FSD1L: variants seen among roughly 807,000 people sequenced by gnomAD.
The protein encoded by FSD1L is fibronectin type III and SPRY domain containing 1 like.
In FSD1L, 45 loss-of-function variants were observed where a neutral mutation model predicts 71.6. The ratio of observed to expected loss-of-function variants is 0.63; its 90% confidence interval spans 0.49 to 0.81. The LOEUF (loss-of-function observed/expected upper bound fraction) is 0.81, where lower values mean the gene tolerates loss of function less well. Among genes scored for constraint, FSD1L ranks in the 30% least tolerant of loss-of-function variants. The pLI is 0.00. For synonymous variants in FSD1L, 197 were observed against 207.2 expected (o/e 0.95, Z 0.42); for missense variants, 561 against 618.1 (o/e 0.91, Z 0.98).
At chr9:105,540,888 A>G (rs1024498742) in intron 13 of FSD1L, among the ~76,000 whole-genome samples, 7 of 152,164 alleles carry the variant, frequency 4.6e-5, no homozygotes, top group African/African-American at 1.7e-4. Context: ...AACCTTCTGC[A>G]TCTTTTCATA....
At chr9:105,534,025 G>A (rs867964089) in intron 10 of FSD1L, among the ~76,000 whole-genome samples, 17 of 152,092 alleles carry the variant, frequency 1.1e-4, no homozygotes, top group Admixed American at 6.6e-4. Flanking sequence ...GTGCCTGGCC[G>A]CCATTTCTAT....
intron 1 of FSD1L, among the ~76,000 whole-genome samples, chr9:105,461,049 A>G (rs1324342627): frequency 2.0e-5 from 3 of 152,188 alleles, no homozygotes; most frequent in Non-Finnish European, 4.4e-5. Context: ...ACATATAGCT[A>G]TTATAATTCA....
chr9:105,524,295 C>T, intron 10 of FSD1L: 1 of 1,612,994 alleles, frequency 6.2e-7, no homozygotes, highest in Non-Finnish European at 8.5e-7. Context: ...TCATTATGTA[C>T]CTAGACTTCA....
intron 3 of FSD1L, 21 bp from the exon 4 acceptor site, chr9:105,468,172 T>C: frequency 7.4e-7 from 1 of 1,357,182 alleles, no homozygotes; most frequent in African/African-American, 1.5e-5. Context: ...GTAAAATTGT[T>C]TTGTTTTGTT....
intron 1 of FSD1L, among the ~76,000 whole-genome samples, chr9:105,457,789 T>C (rs1301715758): frequency 6.6e-6 from 1 of 152,114 alleles, no homozygotes; most frequent in African/African-American, 2.4e-5. Context: ...GCGAGTGAGT[T>C]TGGGGTCCGG....
the FSD1L span, among the ~76,000 whole-genome samples, chr9:105,442,702 A>T: frequency 1.3e-5 from 2 of 151,986 alleles, no homozygotes; most frequent in African/African-American, 4.8e-5. Flanking sequence ...AAAAAAAAAA[A>T]AAGTTATTTC....
At chr9:105,484,824 T>A (rs541587853) in intron 7 of FSD1L, among the ~76,000 whole-genome samples, 1 of 152,294 alleles carries the variant, frequency 6.6e-6, no homozygotes, top group East Asian at 1.9e-4. Flanking sequence ...CTATGTAATC[T>A]TGAACAATTT....
intron 5 of FSD1L, among the ~76,000 whole-genome samples, chr9:105,477,845 T>C (rs1333777218): frequency 6.6e-6 from 1 of 152,160 alleles, no homozygotes; most frequent in Non-Finnish European, 1.5e-5. Flanking sequence ...TTCGGAAACA[T>C]TAAGAAACAA....
rs1836453232 is a variant in FSD1L, at chr9:105,539,201, GAATT to G, written c.1379-55_1379-52del. 9.1e-6 allele frequency: 7 copies of G among 765,950 alleles called. No homozygotes were observed. The South Asian group carries it at 1.1e-4, about 12-fold the overall frequency. 47.4% of individuals were successfully genotyped at this position (765,950 alleles called of 1,614,324 possible). The stretch of plus-strand genomic sequence containing the variant: ...TTACTTTTTGCATGATTATGCGTTA[GAATT>G]AATTAAATGTTACAATTTTTTGTAT... On this transcript the variant is annotated intron_variant, in intron 12 of 13. Transcript: ENST00000481272.
chr9:105,524,074 T>A, intron 10 of FSD1L: 1 of 1,610,996 alleles, frequency 6.2e-7, no homozygotes. Flanking sequence ...GAACTTATAA[T>A]CAAAACTGTA....
rs1006202623 is a variant in FSD1L at position 105,520,245 on chromosome 9, G to A, written c.1025+7309G>A. On this transcript the variant is annotated intron_variant, in intron 10 of 13. Transcript: ENST00000481272. ...GCGCATCGTCATCGAGTTAATGGTGGAACTGGCTGAAGAAGATGCATTCAT... is the reference window on the plus strand; with the variant it reads ...GCGCATCGTCATCGAGTTAATGGTGAAACTGGCTGAAGAAGATGCATTCAT... 81 of 1,606,218 alleles carry A rather than the reference G, an allele frequency of 5.0e-5. No homozygotes were observed. The African/African-American group carries it at 1.0e-3, about 20-fold the overall frequency.
intron 10 of FSD1L, among the ~76,000 whole-genome samples, chr9:105,526,640 A>G (rs972189564): frequency 3.9e-5 from 6 of 152,208 alleles, no homozygotes; most frequent in African/African-American, 1.2e-4. Flanking sequence ...CTTCCTGTAC[A>G]TTTATTTGAG....
intron 1 of FSD1L, among the ~76,000 whole-genome samples, chr9:105,450,717 A>G (rs562208504): frequency 1.3e-5 from 2 of 151,368 alleles, no homozygotes; most frequent in Admixed American, 1.3e-4. Context: ...TATTTTTAGT[A>G]GAGACGGGGT....
chr9:105,512,743 C>A, intron 9 of FSD1L, 64 bp from the exon 10 acceptor site: 1 of 877,520 alleles, frequency 1.1e-6, no homozygotes, highest in Non-Finnish European at 1.6e-6. Context: ...GTGGTGATAG[C>A]TGTGTTTCAG....
chr9:105,482,045 G>T (rs556823828), intron 6 of FSD1L, among the ~76,000 whole-genome samples: 1 of 152,076 alleles, frequency 6.6e-6, no homozygotes, highest in Admixed American at 6.6e-5. Context: ...GAAGTGCTGG[G>T]GTTACAGATA....
chr9:105,479,144 G>A (rs1039798506), intron 5 of FSD1L, among the ~76,000 whole-genome samples: 5 of 152,208 alleles, frequency 3.3e-5, no homozygotes, highest in Admixed American at 6.5e-5. Context: ...GGTGATTTTT[G>A]TGGGGTCTGG....
chr9:105,541,773 T>G (rs547150463), intron 13 of FSD1L, among the ~76,000 whole-genome samples: 62 of 152,320 alleles, frequency 4.1e-4, no homozygotes, highest in Non-Finnish European at 5.6e-4. Context: ...AAAATTCCTT[T>G]GTGTTCTTTT....
intron 10 of FSD1L, chr9:105,523,317 G>T: frequency 6.3e-7 from 1 of 1,591,360 alleles, no homozygotes; most frequent in Non-Finnish European, 8.6e-7. Flanking sequence ...GCAGCTCGAT[G>T]AGAAGCTCCA....
chr9:105,484,121 T>C (rs947175576), intron 6 of FSD1L, among the ~76,000 whole-genome samples: 7 of 152,188 alleles, frequency 4.6e-5, no homozygotes, highest in Admixed American at 6.5e-5. Flanking sequence ...TTTGTTGTTA[T>C]TCATATATAT....
Sources: gnomAD v4.1 joint callset for allele counts (sites outside exome capture counted in the v4.1 genomes callset) on GRCh38, gnomAD v4.1.1 for gene constraint, MANE v1.5 for transcripts, NCBI Gene and HGNC (gene_info 2026-07-23, HGNC 2026-07-21) for gene names.